SUCO: variants seen among roughly 807,000 people sequenced by gnomAD.
SUCO encodes the protein SUN domain-containing ossification factor.
In SUCO, 57 loss-of-function variants were observed where a neutral mutation model predicts 148.1. The observed-to-expected ratio is 0.38, with a 90% confidence interval of 0.31 to 0.48. The LOEUF (loss-of-function observed/expected upper bound fraction) is 0.48, where lower values mean the gene tolerates loss of function less well. SUCO is among the 20% of genes least tolerant of loss of function. SUCO has a pLI of 0.96. For synonymous variants in SUCO, 470 were observed against 502.7 expected (o/e 0.93, Z 0.87); for missense variants, 1,331 against 1,468.2 (o/e 0.91, Z 1.53).
chr1:172,583,364 G>A (rs1656013270), intron 15 of SUCO, among the ~76,000 whole-genome samples: 1 of 152,138 alleles, frequency 6.6e-6, no homozygotes, highest in African/African-American at 2.4e-5. Flanking sequence ...GTGTGTTACA[G>A]TAATGATTAG....
Position 172,609,805 on chromosome 1 carries a change from T to C in SUCO, c.3322-11T>C. On this transcript the variant is annotated splice_polypyrimidine_tract_variant and intron_variant, in intron 23 of 23. Transcript: ENST00000263688. Reference sequence around the variant, plus strand: ...GTATCATTACTAACTTTTCTTTTACTTGTGTTGTAGAAGAAGCGCTGCAAG... The same window carrying C: ...GTATCATTACTAACTTTTCTTTTACCTGTGTTGTAGAAGAAGCGCTGCAAG... The C allele has an allele frequency of 6.3e-7, 1 of 1,582,364 alleles. No individual in the cohort carries two copies. The highest frequency in any genetic ancestry group is 1.2e-5 in the South Asian group (1 of 85,034).
chr1:172,571,630 C>A (rs1654999882), intron 9 of SUCO, among the ~76,000 whole-genome samples: 1 of 137,348 alleles, frequency 7.3e-6, no homozygotes, highest in Non-Finnish European at 1.6e-5. Flanking sequence ...CTCTTCCCTG[C>A]CGCCATCCCA....
chr1:172,558,824 G>C (rs1035365045), intron 6 of SUCO, among the ~76,000 whole-genome samples: 1 of 152,208 alleles, frequency 6.6e-6, no homozygotes, highest in Non-Finnish European at 1.5e-5. Flanking sequence ...AATGTCAAAT[G>C]TAAAATTCAA....
chr1:172,548,943 T>C (rs1427422402), intron 1 of SUCO, among the ~76,000 whole-genome samples: 2 of 152,008 alleles, frequency 1.3e-5, no homozygotes, highest in East Asian at 3.8e-4. Flanking sequence ...ACCATACTTT[T>C]TGTTTATTCT....
chr1:172,586,027 G>T (rs1341470341), intron 17 of SUCO, 79 bp downstream of exon 17: 2 of 912,390 alleles, frequency 2.2e-6, no homozygotes, highest in Non-Finnish European at 3.3e-6. Context: ...AGGAATTTGT[G>T]ATTTGTGTGT....
At chr1:172,547,990 A>G (rs1652988479) in intron 1 of SUCO, among the ~76,000 whole-genome samples, 1 of 151,894 alleles carries the variant, frequency 6.6e-6, no homozygotes, top group South Asian at 2.1e-4. Context: ...CAATGGATTG[A>G]TACAGCTAAA....
At chr1:172,538,249 T>C (rs920989072) in intron 1 of SUCO, among the ~76,000 whole-genome samples, 1 of 152,068 alleles carries the variant, frequency 6.6e-6, no homozygotes, top group East Asian at 1.9e-4. Context: ...AGTTGATATC[T>C]AAATCAAGAT....
chr1:172,555,396 A>G (rs1653658409), intron 3 of SUCO: 4 of 985,308 alleles, frequency 4.1e-6, no homozygotes, highest in Non-Finnish European at 3.6e-6. Context: ...GGCCCAGGTC[A>G]TTCAAGACTG....
In SUCO at chr1:172,588,925, G is replaced by A; in HGVS notation, c.1824G>A (p.Trp608Ter). Residue 608 changes from tryptophan (W) to a stop codon, truncating the protein, a stop_gained, in exon 18 of 24, where the codon TGG (tryptophan) becomes TGA (stop). Transcript: ENST00000263688. LOFTEE classifies it high-confidence loss of function. ...SGEQEDESSP[W>*]FESETQIFCS... ...AACAGGAAGATGAATCATCACCCTG[G>A]TTTGAGTCAGAGACACAAATATTTT... 6.2e-7 allele frequency: 1 copy of A among 1,612,496 alleles called. No homozygotes were observed. The highest frequency in any genetic ancestry group is 8.5e-7 in the Non-Finnish European group (1 of 1,179,332).
Position 172,533,244 on chromosome 1 carries a change from GC to G in SUCO, c.-191del. 6.5e-7 allele frequency: 1 copy of G among 1,547,406 alleles called. No homozygotes were observed. The highest frequency in any genetic ancestry group is 2.0e-5 in the Admixed American group (1 of 50,880). On this transcript the variant is annotated 5_prime_UTR_variant, in exon 1 of 24. Coordinates refer to ENST00000263688, the MANE Select transcript of SUCO (RefSeq NM_014283.5). Reference sequence around the variant, plus strand: ...GGAGTCCTGTGAAGCGCCCCTGTCCGCGCCTCTGTGGGGCCCTCAGAGAGGG... The same window carrying G: ...GGAGTCCTGTGAAGCGCCCCTGTCCGGCCTCTGTGGGGCCCTCAGAGAGGG...
chr1:172,557,600 C>T (rs1186375369), intron 5 of SUCO, 44 bp from the exon 6 acceptor site: 1 of 1,510,862 alleles, frequency 6.6e-7, no homozygotes, highest in African/African-American at 1.4e-5. Context: ...AATTTGTTAT[C>T]CAGTAAAATC....
rs756497524 is a variant in SUCO at position 172,589,741 on chromosome 1, A to G, written c.2640A>G (p.Leu880=). The G allele has an allele frequency of 1.2e-6, 2 of 1,612,972 alleles. No homozygotes were observed. The highest frequency in any genetic ancestry group is 1.7e-6 in the Non-Finnish European group (2 of 1,179,548). ...QSPEDALLRG[L]QRTATDFYAE... The stretch of plus-strand genomic sequence containing the variant: ...CAGAAGATGCCCTTTTGAGAGGGTT[A>G]CAGAGGACAGCTACAGATTTTTATG... The change falls in exon 18 of 24, where the codon TTA becomes TTG. Residue 880 remains leucine (L), a synonymous_variant. Coordinates refer to ENST00000263688, the MANE Select transcript of SUCO (RefSeq NM_014283.5).
At chr1:172,543,321 G>T (rs1180236991) in intron 1 of SUCO, among the ~76,000 whole-genome samples, 1 of 152,164 alleles carries the variant, frequency 6.6e-6, no homozygotes, top group African/African-American at 2.4e-5. Flanking sequence ...ATTTATTTGA[G>T]GACTATTTTT....
chr1:172,606,058 A>G (rs1235764099), intron 22 of SUCO, among the ~76,000 whole-genome samples: 2 of 151,522 alleles, frequency 1.3e-5, no homozygotes, highest in Non-Finnish European at 1.5e-5. Context: ...GAATTATATT[A>G]GATTTTCTAA....
At chr1:172,570,623 T>C (rs1280636234) in intron 8 of SUCO, 40 bp from the exon 9 acceptor site, 2 of 1,305,912 alleles carry the variant, frequency 1.5e-6, no homozygotes, top group Non-Finnish European at 2.2e-6. Flanking sequence ...TTCTTCATTA[T>C]TCCTTAAGTA....
chr1:172,558,205 G>A (rs567230750), intron 6 of SUCO, among the ~76,000 whole-genome samples: 19 of 152,148 alleles, frequency 1.2e-4, no homozygotes, highest in Non-Finnish European at 1.9e-4. Context: ...CTATTTTAAT[G>A]GAACATTTTA....
chr1:172,601,844 C>A (rs1342432666), intron 20 of SUCO, among the ~76,000 whole-genome samples: 1 of 152,088 alleles, frequency 6.6e-6, no homozygotes, highest in Non-Finnish European at 1.5e-5. Context: ...ATTTCTAAAA[C>A]TTCCATAGGT....
intron 9 of SUCO, among the ~76,000 whole-genome samples, chr1:172,571,151 C>T (rs148631241): frequency 4.9e-4 from 75 of 152,378 alleles, no homozygotes; most frequent in African/African-American, 1.7e-3. Context: ...CACACTGCAG[C>T]CTCCCTGCCT....
chr1:172,577,178 G>A (rs1395107765), intron 11 of SUCO: 1 of 222,808 alleles, frequency 4.5e-6, no homozygotes, highest in African/African-American at 2.3e-5. Context: ...CTTGATACAT[G>A]TCTGTAATAC....
Sources: allele counts gnomAD v4.1 joint callset (sites outside exome capture counted in the v4.1 genomes callset), GRCh38; gene constraint gnomAD v4.1.1; transcripts MANE v1.5; gene names NCBI Gene and HGNC (gene_info 2026-07-23, HGNC 2026-07-21).